Variants in SLC35F4 observed in about 807,000 individuals in gnomAD.
SLC35F4 encodes the protein solute carrier family 35 member F4, also known as chromosome 14 open reading frame 36.
SLC35F4 carries 24 observed loss-of-function variants against 44.2 expected under a neutral mutation model. The ratio of observed to expected loss-of-function variants is 0.54; its 90% CI spans 0.39 to 0.76. The LOEUF (loss-of-function observed/expected upper bound fraction) is 0.76, where lower values mean the gene tolerates loss of function less well. Among genes scored for constraint, SLC35F4 ranks in the 30% least tolerant of loss-of-function variants. The pLI, the probability that SLC35F4 is intolerant of heterozygous loss-of-function variation, is 0.00. For missense variants in SLC35F4, 562 were observed against 586.1 expected (o/e 0.96, Z 0.42); for synonymous variants, 238 against 223.6 (o/e 1.06, Z -0.57).
intron 1 of SLC35F4, among the ~76,000 whole-genome samples, chr14:57,962,731 AT>A (rs1001528050): frequency 6.6e-6 from 1 of 152,156 alleles, no homozygotes. Flanking sequence ...CCCAGGAGAA[AT>A]TTTGTAAAAT....
chr14:57,645,794 C>T (rs1336972168), intron 1 of SLC35F4, among the ~76,000 whole-genome samples: 1 of 151,186 alleles, frequency 6.6e-6, no homozygotes, highest in African/African-American at 2.4e-5. Flanking sequence ...TGAGATACGT[C>T]CCATCAGTAC....
intron 1 of SLC35F4, among the ~76,000 whole-genome samples, chr14:57,774,583 C>T (rs1373333870): frequency 6.6e-6 from 1 of 152,182 alleles, no homozygotes. Flanking sequence ...TGAGACCGGG[C>T]AGTCCAATCT....
chr14:57,630,117 A>T, intron 1 of SLC35F4: 1 of 548,228 alleles, frequency 1.8e-6, no homozygotes, highest in Admixed American at 1.9e-5. Flanking sequence ...TAATTTGGAC[A>T]GAAAGTGGAT....
intron 1 of SLC35F4, among the ~76,000 whole-genome samples, chr14:57,879,368 T>C (rs898015829): frequency 2.6e-5 from 4 of 152,046 alleles, no homozygotes; most frequent in Non-Finnish European, 4.4e-5. Context: ...AACTTAATCC[T>C]TCTGCCCCAG....
intron 1 of SLC35F4, among the ~76,000 whole-genome samples, chr14:57,649,695 A>ATAT (rs1473569327): frequency 6.6e-6 from 1 of 151,986 alleles, no homozygotes; most frequent in Non-Finnish European, 1.5e-5. Context: ...ATTTTTCTCC[A>ATAT]CTGTATTTCT....
chr14:57,962,437 T>A (rs1890355529), intron 1 of SLC35F4, among the ~76,000 whole-genome samples: 1 of 152,198 alleles, frequency 6.6e-6, no homozygotes. Context: ...CAGCAGTGGC[T>A]GCGGCGCAGA....
At chr14:57,576,156 T>G (rs1442158345) in intron 4 of SLC35F4, among the ~76,000 whole-genome samples, 1 of 152,208 alleles carries the variant, frequency 6.6e-6, no homozygotes, top group Non-Finnish European at 1.5e-5. Context: ...GTACCAGCTC[T>G]TTTAGGGTCC....
chr14:57,585,503 A>G (rs541059776), intron 3 of SLC35F4, among the ~76,000 whole-genome samples: 1 of 152,310 alleles, frequency 6.6e-6, no homozygotes, highest in South Asian at 2.1e-4. Flanking sequence ...GCGATCAGGC[A>G]AGAGAAAAAA....
intron 1 of SLC35F4, among the ~76,000 whole-genome samples, chr14:57,800,150 G>A (rs1367048710): frequency 1.3e-5 from 2 of 152,186 alleles, no homozygotes; most frequent in African/African-American, 2.4e-5. Context: ...AGCTTCCAGA[G>A]GAAGGATCTG....
At chr14:57,950,303 C>G (rs143150589) in intron 1 of SLC35F4, among the ~76,000 whole-genome samples, 3 of 151,922 alleles carry the variant, frequency 2.0e-5, no homozygotes, top group African/African-American at 7.2e-5. Flanking sequence ...CTTTCTTCTA[C>G]TTGTTCTAGT....
At chr14:57,867,495 G>T (rs1002951336), upstream of SLC35F4, among the ~76,000 whole-genome samples, 1 of 152,002 alleles carries the variant, frequency 6.6e-6, no homozygotes, top group African/African-American at 2.4e-5. Flanking sequence ...AAGATGGAAG[G>T]GTGGAAAGAG....
intron 1 of SLC35F4, among the ~76,000 whole-genome samples, chr14:57,633,848 T>C (rs1352492984): frequency 6.6e-6 from 1 of 152,116 alleles, no homozygotes; most frequent in African/African-American, 2.4e-5. Context: ...GTTGTGTGTA[T>C]CAATTGTTGT....
At chr14:57,641,297 G>A (rs1229295441) in intron 1 of SLC35F4, among the ~76,000 whole-genome samples, 3 of 151,058 alleles carry the variant, frequency 2.0e-5, no homozygotes, top group Admixed American at 2.0e-4. Context: ...CAGTTTCACT[G>A]AAAATCTTAC....
At chr14:57,826,253 G>A (rs1883750267) in intron 1 of SLC35F4, among the ~76,000 whole-genome samples, 1 of 152,146 alleles carries the variant, frequency 6.6e-6, no homozygotes, top group African/African-American at 2.4e-5. Flanking sequence ...ACAAAAGCAA[G>A]CAATGGGGAA....
At chr14:57,740,130 G>T (rs1032046124) in intron 1 of SLC35F4, among the ~76,000 whole-genome samples, 4 of 152,094 alleles carry the variant, frequency 2.6e-5, no homozygotes, top group African/African-American at 7.2e-5. Flanking sequence ...AAAGTGCTGG[G>T]ATTACAGGCA....
intron 1 of SLC35F4, among the ~76,000 whole-genome samples, chr14:57,887,300 G>A (rs1888670493): frequency 6.6e-6 from 1 of 152,134 alleles, no homozygotes; most frequent in Non-Finnish European, 1.5e-5. Flanking sequence ...AGGCTTGAAG[G>A]GAGGCAGGCA....
intron 1 of SLC35F4, among the ~76,000 whole-genome samples, chr14:57,671,018 C>T (rs2074501819): frequency 5.3e-5 from 8 of 150,350 alleles, no homozygotes; most frequent in Admixed American, 4.7e-4. Flanking sequence ...GGTTATCCTG[C>T]CTCAGCCTCC....
chr14:57,610,365 T>C (rs1027553673), intron 1 of SLC35F4, among the ~76,000 whole-genome samples: 5 of 152,126 alleles, frequency 3.3e-5, no homozygotes, highest in Admixed American at 6.5e-5. Context: ...ACAACACTTA[T>C]AGGGCAACCA....
intron 1 of SLC35F4, among the ~76,000 whole-genome samples, chr14:57,945,914 A>G (rs1320289401): frequency 6.6e-6 from 1 of 152,050 alleles, no homozygotes; most frequent in African/African-American, 2.4e-5. Context: ...GGCCATTTGT[A>G]TATTTTCTCT....
Sources: allele counts gnomAD v4.1 joint callset (sites outside exome capture counted in the v4.1 genomes callset), GRCh38; gene constraint gnomAD v4.1.1; transcripts MANE v1.5; gene names NCBI Gene and HGNC (gene_info 2026-07-23, HGNC 2026-07-21).